The following THEMIS variants were observed in gnomAD, a reference collection of about 807,000 sequenced individuals.
THEMIS encodes thymocyte selection associated.
THEMIS carries 37 observed loss-of-function variants against 52.6 expected under a neutral mutation model. That is an observed-to-expected ratio of 0.70 (90% CI 0.54 to 0.93). THEMIS has a LOEUF of 0.93. THEMIS is among the 40% of genes least tolerant of loss of function. The pLI, the probability that THEMIS is intolerant of heterozygous loss-of-function variation, is 0.00. For synonymous variants in THEMIS, 292 were observed against 272.7 expected (o/e 1.07, Z -0.70); for missense variants, 808 against 763.1 (o/e 1.06, Z -0.69).
chr6:127,761,375 T>C (rs757546446), intron 4 of THEMIS, among the ~76,000 whole-genome samples: 18 of 152,106 alleles, frequency 1.2e-4, no homozygotes, highest in Admixed American at 2.0e-4. Flanking sequence ...TAGCTAATCA[T>C]CAAATAAAGA....
rs150569990 is a variant in THEMIS, at chr6:127,759,582, A to C, written c.1759-39759T>G. Among the ~76,000 whole-genome samples the C allele has an allele frequency of 5.6e-4, 85 of 152,276 alleles. 1 individual carries two copies. Among genetic ancestry groups the C allele is most frequent in the Admixed American group, 5.2e-3 (79 of 15,286 alleles). The stretch of plus-strand genomic sequence containing the variant: ...GCACATGTTAATAACCTTAGAGTCA[A>C]CCTTAACACTTTATCTCACATATAT... On this transcript the variant is annotated intron_variant, in intron 4 of 5. Transcript: ENST00000368248.
At position 127,813,469 on chromosome 6, in the gene THEMIS, AC is replaced by A; in HGVS notation, c.1171del (p.Val391CysfsTer14). Reference sequence around the variant, plus strand: ...GACTTCAGTCGTCTCTGACTGATGCACCAGAAACTGGTCCCCAACAGATACG... The same window carrying A: ...GACTTCAGTCGTCTCTGACTGATGCACAGAAACTGGTCCCCAACAGATACG... ...SSVSVGDQFL[V>X]HQSETTEVLC... On this transcript the variant is annotated frameshift_variant, in exon 4 of 6. Transcript: ENST00000368248. LOFTEE classifies it high-confidence loss of function. 6.2e-7 allele frequency: 1 copy of A among 1,613,984 alleles called. No homozygotes were observed. The highest frequency in any genetic ancestry group is 1.7e-5 in the Admixed American group (1 of 59,976).
At chr6:127,839,742 A>G (rs1422013275) in intron 2 of THEMIS, among the ~76,000 whole-genome samples, 1 of 152,090 alleles carries the variant, frequency 6.6e-6, no homozygotes, top group East Asian at 1.9e-4. Context: ...AATTCTAGAA[A>G]GAAGTTAAAT....
intron 2 of THEMIS, among the ~76,000 whole-genome samples, chr6:127,849,854 CA>C (rs1779359973): frequency 6.6e-6 from 1 of 151,980 alleles, no homozygotes; most frequent in Non-Finnish European, 1.5e-5. Context: ...ATGACTAAGA[CA>C]CCAAAAGCAA....
intron 4 of THEMIS, among the ~76,000 whole-genome samples, chr6:127,791,110 A>G (rs1444152571): frequency 2.6e-5 from 4 of 152,184 alleles, no homozygotes; most frequent in African/African-American, 4.8e-5. Context: ...TTTGTGTTAC[A>G]TCTCTTTCAG....
At chr6:127,784,695 T>G (rs1392784151) in intron 4 of THEMIS, among the ~76,000 whole-genome samples, 1 of 152,170 alleles carries the variant, frequency 6.6e-6, no homozygotes, top group Non-Finnish European at 1.5e-5. Context: ...AGCACTGTAA[T>G]GGAACTGTGA....
At chr6:127,819,996 A>G (rs1440327970) in intron 3 of THEMIS, among the ~76,000 whole-genome samples, 1 of 152,194 alleles carries the variant, frequency 6.6e-6, no homozygotes, top group Non-Finnish European at 1.5e-5. Context: ...AATGAATGAC[A>G]GTACTGTTTT....
At chr6:127,749,435 T>TAC (rs1775560143) in intron 4 of THEMIS, among the ~76,000 whole-genome samples, 1 of 152,022 alleles carries the variant, frequency 6.6e-6, no homozygotes, top group Non-Finnish European at 1.5e-5. Flanking sequence ...CAGCAGCTTA[T>TAC]TTTGAAAGAA....
intron 2 of THEMIS, among the ~76,000 whole-genome samples, chr6:127,842,574 T>A (rs1457563785): frequency 6.6e-6 from 1 of 151,972 alleles, no homozygotes; most frequent in Non-Finnish European, 1.5e-5. Context: ...GGAAGAGAAT[T>A]CTCCGTAGCA....
chr6:127,813,179 A>G lies in THEMIS; in HGVS notation c.1462T>C (p.Ser488Pro). 1 of 1,614,096 alleles carries G rather than the reference A, an allele frequency of 6.2e-7. No individual in the cohort carries two copies. The highest frequency in any genetic ancestry group is 1.1e-5 in the South Asian group (1 of 91,080). Residue 488 changes from serine (S) to proline (P), a missense_variant, in exon 4 of 6, where the codon TCT becomes CCT. Physicochemically the swap from Ser to Pro is moderately conservative, Grantham distance 74 (BLOSUM62 -1). Transcript: ENST00000368248. ...GCAAAGTCACTTATGAGTAGGTAAGAGTCTGTAATGTCCTCCTCCAACTGC... is the reference window on the plus strand; with the variant it reads ...GCAAAGTCACTTATGAGTAGGTAAGGGTCTGTAATGTCCTCCTCCAACTGC... Reference protein sequence around the residue: ...GLQLEEDITDSYLLISDFANP... With the variant: ...GLQLEEDITDPYLLISDFANP...
chr6:127,706,727 A>G (rs1773811174), downstream of THEMIS, among the ~76,000 whole-genome samples: 3 of 152,146 alleles, frequency 2.0e-5, no homozygotes, highest in Admixed American at 2.0e-4. Flanking sequence ...AGTTTGAGAT[A>G]GGGTGGCCAG....
chr6:127,757,604 T>A (rs1049011108), intron 4 of THEMIS, among the ~76,000 whole-genome samples: 4 of 152,080 alleles, frequency 2.6e-5, no homozygotes, highest in African/African-American at 9.7e-5. Flanking sequence ...TGCCTCAGCC[T>A]CCCGATTAGC....
At chr6:127,841,788 A>G (rs2114697521) in intron 2 of THEMIS, among the ~76,000 whole-genome samples, 1 of 152,156 alleles carries the variant, frequency 6.6e-6, no homozygotes, top group East Asian at 1.9e-4. Context: ...TTGCATGCTG[A>G]TTAATTCACA....
At chr6:127,898,148 A>G (rs557440866) in intron 1 of THEMIS, among the ~76,000 whole-genome samples, 2 of 151,870 alleles carry the variant, frequency 1.3e-5, no homozygotes, top group Non-Finnish European at 3.0e-5. Flanking sequence ...CTTCTGGAAT[A>G]CTTGGAATTT....
chr6:127,914,619 A>G (rs1781481260), intron 1 of THEMIS, among the ~76,000 whole-genome samples: 1 of 152,216 alleles, frequency 6.6e-6, no homozygotes, highest in Admixed American at 6.5e-5. Flanking sequence ...GTCTAGACAT[A>G]TCTAAACATA....
intron 1 of THEMIS, among the ~76,000 whole-genome samples, chr6:127,855,968 C>T (rs1462809320): frequency 6.6e-6 from 1 of 151,850 alleles, no homozygotes; most frequent in African/African-American, 2.4e-5. Context: ...AATCTACCCC[C>T]AGTGAAAAGG....
At chr6:127,785,252 C>CTATCT (rs1554223980) in intron 4 of THEMIS, among the ~76,000 whole-genome samples, 7 of 137,662 alleles carry the variant, frequency 5.1e-5, no homozygotes, top group African/African-American at 8.4e-5. Context: ...ATCTATCTAT[C>CTATCT]ATCTATCTAT....
intron 1 of THEMIS, among the ~76,000 whole-genome samples, chr6:127,871,984 A>G (rs950265542): frequency 1.3e-5 from 2 of 149,674 alleles, no homozygotes; most frequent in Non-Finnish European, 3.0e-5. Flanking sequence ...AACCAGACAG[A>G]CAGCACACAT....
intron 4 of THEMIS, among the ~76,000 whole-genome samples, chr6:127,754,398 G>C (rs140494874): frequency 6.6e-6 from 1 of 152,284 alleles, no homozygotes; most frequent in African/African-American, 2.4e-5. Context: ...TCAGGCTGCT[G>C]TGGCCTGATG....
Sources: allele counts gnomAD v4.1 joint callset (sites outside exome capture counted in the v4.1 genomes callset), GRCh38; gene constraint gnomAD v4.1.1; transcripts MANE v1.5; gene names NCBI Gene and HGNC (gene_info 2026-07-23, HGNC 2026-07-21).